Variants in NAA15 observed in about 807,000 individuals in gnomAD.
NAA15 encodes N-terminal acetyltransferase.
Under a neutral mutation model 114.0 loss-of-function variants are expected in NAA15, and 34 were observed. The observed-to-expected ratio is 0.30, with a 90% CI of 0.23 to 0.40. The LOEUF (loss-of-function observed/expected upper bound fraction) is 0.40. Among genes scored for constraint, NAA15 ranks in the 10% least tolerant of loss-of-function variants. The probability of loss-of-function intolerance (pLI) is 1.00; values close to 1 mark genes in which losing one functional copy is unlikely to be tolerated. For synonymous variants in NAA15, 340 were observed against 338.0 expected, an observed-to-expected ratio of 1.01 and a Z score of -0.06; for missense variants, 658 against 1,004.5, an observed-to-expected ratio of 0.66 and a Z score of 4.66.
rs543396493 is a variant in NAA15, at chr4:139,391,092, A to C, written c.*3008A>C. 6.6e-6 allele frequency: 1 copy of C among 152,220 alleles called. No individual in the cohort carries two copies. The highest frequency in any genetic ancestry group is 2.1e-4 in the South Asian group (1 of 4,832). The allele number at this position is 152,220 out of a possible 1,614,324, so 9.4% of individuals were successfully genotyped here. ...GGTATATACTTGTGTCAGATAATTAAAGCCTTAAATTTTGAAATGAATCTT... is the reference window on the plus strand; with the variant it reads ...GGTATATACTTGTGTCAGATAATTACAGCCTTAAATTTTGAAATGAATCTT... On this transcript the variant is annotated 3_prime_UTR_variant, in exon 20 of 20. Coordinates refer to ENST00000296543, the MANE Select transcript of NAA15 (RefSeq NM_057175.5).
chr4:139,350,750 A>G (rs1747751844), intron 7 of NAA15, among the ~76,000 whole-genome samples: 1 of 152,234 alleles, frequency 6.6e-6, no homozygotes, highest in South Asian at 2.1e-4. Context: ...GCTGCCATGA[A>G]ACATGAATAG....
In NAA15 at chr4:139,370,215, C is replaced by A; in HGVS notation, c.1758C>A (p.Asn586Lys). The change falls in exon 15 of 20, where the codon AAC becomes AAA. Residue 586 changes from asparagine to lysine, a missense_variant. By Grantham distance (94) the Asn-to-Lys change is moderately conservative. Coordinates refer to ENST00000296543, the MANE Select transcript of NAA15 (RefSeq NM_057175.5). The stretch of plus-strand genomic sequence containing the variant: ...TAATTAACTTATTGCCTGCAGCAAA[C>A]ATGTCTGACAAAGAGCTAAAGAAGC... The part of the protein sequence containing the change: ...ENKEHEADTA[N>K]MSDKELKKLR... 1 of 1,529,968 alleles carries A rather than the reference C, an allele frequency of 6.5e-7. No individual in the cohort carries two copies. 94.8% of individuals were successfully genotyped at this position (1,529,968 alleles called of 1,614,324 possible). A position where few individuals can be genotyped will look rare whatever the true frequency, so the allele number is the denominator to read the frequency against.
At chr4:139,341,764 C>T (rs1229181722) in intron 4 of NAA15, among the ~76,000 whole-genome samples, 1 of 151,138 alleles carries the variant, frequency 6.6e-6, no homozygotes. Flanking sequence ...CTCTGTTGCC[C>T]AGGCTGGAGT....
chr4:139,348,967 T>C (rs1747690803), intron 6 of NAA15, among the ~76,000 whole-genome samples: 1 of 152,172 alleles, frequency 6.6e-6, no homozygotes, highest in Non-Finnish European at 1.5e-5. Context: ...AAGCTTAAAA[T>C]AGGATGCTTA....
At chr4:139,342,480 T>G (rs1179950537) in intron 4 of NAA15, among the ~76,000 whole-genome samples, 1 of 75,680 alleles carries the variant, frequency 1.3e-5, no homozygotes, top group Non-Finnish European at 2.3e-5. Context: ...TTAATGTGTG[T>G]TTTTTTTTTT....
At chr4:139,302,114 C>T in intron 1 of NAA15, 1 of 368,478 alleles carries the variant, frequency 2.7e-6, no homozygotes. Context: ...TCATTCTCCC[C>T]GATCTGGGGG....
intron 16 of NAA15, 25 bp from the exon 17 acceptor site, chr4:139,378,731 T>C: frequency 6.8e-7 from 1 of 1,460,592 alleles, no homozygotes; most frequent in Non-Finnish European, 9.3e-7. Context: ...ATGATCAAAA[T>C]ATATCTTACT....
Position 139,348,271 on chromosome 4 carries a change from T to A in NAA15, c.692-1191T>A, listed in dbSNP as rs951044116. Among the ~76,000 whole-genome samples, 4 of 151,948 alleles carry A rather than the reference T, an allele frequency of 2.6e-5. No homozygotes were observed. The East Asian group carries it at 7.8e-4, about 30-fold the overall frequency. ...GAGCTCAAGACCAGCCTGGGCAAAA[T>A]GGCGAAAACCCATCTCTACAAAACA... is the stretch of plus-strand genomic sequence containing the variant. On this transcript the variant is annotated intron_variant, in intron 6 of 19. Transcript: ENST00000296543.
intron 14 of NAA15, 136 bp from the exon 15 acceptor site, chr4:139,370,075 G>A (rs1264976586): frequency 2.9e-6 from 2 of 683,602 alleles, no homozygotes; most frequent in African/African-American, 3.7e-5. Flanking sequence ...AAAGTGCTGG[G>A]ATTATAGGCA....
chr4:139,365,434 T>C (rs1451580755), intron 14 of NAA15, among the ~76,000 whole-genome samples: 6 of 152,188 alleles, frequency 3.9e-5, no homozygotes, highest in African/African-American at 1.2e-4. Flanking sequence ...TTGCTCTGCC[T>C]TTTACCATGA....
At chr4:139,384,704 A>T in intron 17 of NAA15, 128 bp from the exon 18 acceptor site, 1 of 516,608 alleles carries the variant, frequency 1.9e-6, no homozygotes, top group East Asian at 3.7e-5. Context: ...ACAGTGAGCC[A>T]TGGTTGTGCC....
In NAA15 at chr4:139,388,437, T is replaced by A. The variant is rs1748966786; in HGVS notation, c.*353T>A. ...GTGTGGCAGAAATATTACTTTAAATTTGTCTTGTGAGATTTTACTATATCT... is the reference window on the plus strand; with the variant it reads ...GTGTGGCAGAAATATTACTTTAAATATGTCTTGTGAGATTTTACTATATCT... On this transcript the variant is annotated 3_prime_UTR_variant, in exon 20 of 20. Transcript: ENST00000296543. 1 of 180,308 alleles carries A rather than the reference T, an allele frequency of 5.5e-6. No individual in the cohort carries two copies. The highest frequency in any genetic ancestry group is 2.4e-5 in the African/African-American group (1 of 41,748). The allele number at this position is 180,308 out of a possible 1,614,324, so 11.2% of individuals were successfully genotyped here. A position where few individuals can be genotyped will look rare whatever the true frequency, so the allele number is the denominator to read the frequency against.
At position 139,376,319 on chromosome 4, in the gene NAA15, C is replaced by T. The variant is rs375528032; in HGVS notation, c.1948-46C>T. The T allele has an allele frequency of 4.2e-6, 5 of 1,189,524 alleles. No homozygotes were observed. The African/African-American group carries it at 6.2e-5, about 15-fold the overall frequency. 73.7% of individuals were successfully genotyped at this position (1,189,524 alleles called of 1,614,324 possible). On this transcript the variant is annotated intron_variant, in intron 15 of 19. Coordinates refer to ENST00000296543, the MANE Select transcript of NAA15 (RefSeq NM_057175.5). ...TTTTAGTAGAATAAAATCACATTCC[C>T]CAAGAACCTTAGTTTCATTTGTATA...
chr4:139,357,338 T>C, intron 10 of NAA15, 48 bp from the exon 11 acceptor site: 1 of 1,568,368 alleles, frequency 6.4e-7, no homozygotes, highest in Non-Finnish European at 8.7e-7. Flanking sequence ...GGGGTGCTCT[T>C]AATATATGTA....
intron 6 of NAA15, among the ~76,000 whole-genome samples, chr4:139,344,724 T>G (rs1747526962): frequency 6.6e-6 from 1 of 152,218 alleles, no homozygotes; most frequent in African/African-American, 2.4e-5. Context: ...TGTGCCAGAT[T>G]TATTGCTAAT....
At chr4:139,318,190 T>C (rs1037015354) in intron 1 of NAA15, among the ~76,000 whole-genome samples, 4 of 152,194 alleles carry the variant, frequency 2.6e-5, no homozygotes, top group African/African-American at 9.6e-5. Flanking sequence ...CAGATCTTTC[T>C]TGTCTTTTTT....
At chr4:139,320,995 C>A (rs1243783373) in intron 1 of NAA15, among the ~76,000 whole-genome samples, 3 of 152,170 alleles carry the variant, frequency 2.0e-5, no homozygotes, top group African/African-American at 7.2e-5. Context: ...CTTTAATAAG[C>A]TATTCTGTGC....
chr4:139,354,373 A>T (rs578003540), intron 10 of NAA15, among the ~76,000 whole-genome samples: 5 of 152,098 alleles, frequency 3.3e-5, no homozygotes, highest in Non-Finnish European at 7.4e-5. Flanking sequence ...AACACAGCTC[A>T]CTGCAGCTTC....
chr4:139,326,290 G>A (rs1746797731), intron 1 of NAA15, among the ~76,000 whole-genome samples: 4 of 151,942 alleles, frequency 2.6e-5, no homozygotes, highest in Admixed American at 2.6e-4. Flanking sequence ...ATAACCTCCT[G>A]GACCTCAGTT....
Sources: allele counts gnomAD v4.1 joint callset (sites outside exome capture counted in the v4.1 genomes callset), GRCh38; gene constraint gnomAD v4.1.1; transcripts MANE v1.5; gene names NCBI Gene and HGNC (gene_info 2026-07-23, HGNC 2026-07-21).